MELK: variants seen among roughly 807,000 people sequenced by gnomAD.
MELK encodes maternal embryonic leucine zipper kinase.
A neutral mutation model predicts 85.0 loss-of-function variants in MELK; 81 were observed. The ratio of observed to expected loss-of-function variants is 0.95; its 90% CI spans 0.80 to 1.15. The LOEUF (loss-of-function observed/expected upper bound fraction) is 1.15, where lower values mean the gene tolerates loss of function less well. Among genes scored for constraint, MELK ranks in the 50% most tolerant of loss-of-function variants. MELK has a pLI of 0.00. For synonymous variants in MELK, 252 were observed against 265.0 expected (o/e 0.95, Z 0.48); for missense variants, 754 against 777.5 (o/e 0.97, Z 0.36).
intron 16 of MELK, among the ~76,000 whole-genome samples, chr9:36,674,196 A>G (rs1160257191): frequency 6.6e-6 from 1 of 152,246 alleles, no homozygotes; most frequent in East Asian, 1.9e-4. Context: ...CCTACCACAT[A>G]GTAAACATTC....
At chr9:36,664,234 T>A (rs1268626177) in intron 13 of MELK, among the ~76,000 whole-genome samples, 1 of 152,246 alleles carries the variant, frequency 6.6e-6, no homozygotes, top group African/African-American at 2.4e-5. Context: ...GTTTCACTAT[T>A]TTAAACATGC....
In MELK at chr9:36,677,154, T is replaced by C; in HGVS notation, c.1779-6T>C. The C allele has an allele frequency of 6.2e-7, 1 of 1,607,972 alleles. No homozygotes were observed. The highest frequency in any genetic ancestry group is 8.5e-7 in the Non-Finnish European group (1 of 1,175,972). ...ACTAACTAGCTTCTTATCTTGTTTT[T>C]CACAGTTATACACTGAAGTGTCAAA... On this transcript the variant is annotated splice_polypyrimidine_tract_variant and splice_region_variant and intron_variant, in intron 17 of 17. Transcript: ENST00000298048.
chr9:36,641,816 A>G (rs1246711424), intron 10 of MELK, among the ~76,000 whole-genome samples: 1 of 152,100 alleles, frequency 6.6e-6, no homozygotes, highest in Non-Finnish European at 1.5e-5. Context: ...CATGTTGGTC[A>G]GGCTGGTCTC....
chr9:36,648,084 A>G (rs1830386045), intron 11 of MELK, among the ~76,000 whole-genome samples: 2 of 152,180 alleles, frequency 1.3e-5, no homozygotes, highest in South Asian at 4.1e-4. Flanking sequence ...ATAGCCCCAT[A>G]GTTTTCTCAG....
chr9:36,589,305 C>T (rs538201923), intron 3 of MELK, among the ~76,000 whole-genome samples: 1 of 152,092 alleles, frequency 6.6e-6, no homozygotes, highest in South Asian at 2.1e-4. Context: ...CCTGCCACCA[C>T]GCCCGGCTAA....
rs1176039087 is a variant in MELK, at chr9:36,583,625, A to G, written c.59-2A>G. The G allele has an allele frequency of 6.3e-7, 1 of 1,599,632 alleles. No homozygotes were observed. Among genetic ancestry groups the G allele is most frequent in the East Asian group, 2.2e-5 (1 of 44,762 alleles). On this transcript the variant is annotated splice_acceptor_variant, in intron 2 of 17. Transcript: ENST00000298048. LOFTEE classifies it high-confidence loss of function. ...GCTTTCATAATACATTTTCCTACTT[A>G]GGTGGCTTTGCAAAGGTCAAACTTG...
At chr9:36,607,080 C>T (rs867110846) in intron 7 of MELK, among the ~76,000 whole-genome samples, 2 of 152,130 alleles carry the variant, frequency 1.3e-5, no homozygotes, top group African/African-American at 2.4e-5. Context: ...CCACCAGGCC[C>T]GGCCACCTCT....
chr9:36,663,640 C>G (rs1832067414), intron 13 of MELK, among the ~76,000 whole-genome samples: 1 of 152,186 alleles, frequency 6.6e-6, no homozygotes, highest in African/African-American at 2.4e-5. Context: ...ATTTGTCATT[C>G]TGTGTCTGGC....
chr9:36,628,858 A>AT (rs1828197082), intron 8 of MELK, among the ~76,000 whole-genome samples: 2 of 129,876 alleles, frequency 1.5e-5, no homozygotes, highest in African/African-American at 2.9e-5. Context: ...ATGGTTTTGT[A>AT]TTTTCTTTTT....
At chr9:36,597,470 C>A (rs1206821540) in intron 6 of MELK, among the ~76,000 whole-genome samples, 180 bp downstream of exon 6, 2 of 152,166 alleles carry the variant, frequency 1.3e-5, no homozygotes, top group African/African-American at 4.8e-5. Flanking sequence ...TCATAACATG[C>A]AATCAAGATT....
chr9:36,573,401 A>G (rs1407572944), intron 1 of MELK, among the ~76,000 whole-genome samples: 1 of 152,202 alleles, frequency 6.6e-6, no homozygotes, highest in Non-Finnish European at 1.5e-5. Flanking sequence ...GGGCAGTGCA[A>G]TAAAAAAGGA....
At chr9:36,660,129 A>C (rs1334809371) in intron 13 of MELK, among the ~76,000 whole-genome samples, 1 of 152,074 alleles carries the variant, frequency 6.6e-6, no homozygotes, top group Non-Finnish European at 1.5e-5. Flanking sequence ...GCAAATGCAC[A>C]GCCCTGGGTA....
chr9:36,576,309 A>G (rs933862885), intron 1 of MELK, among the ~76,000 whole-genome samples: 1 of 152,146 alleles, frequency 6.6e-6, no homozygotes, highest in Non-Finnish European at 1.5e-5. Flanking sequence ...TAAATGTTCA[A>G]CCTACTTATT....
At chr9:36,671,860 A>C (rs1425773398) in intron 16 of MELK, among the ~76,000 whole-genome samples, 1 of 152,216 alleles carries the variant, frequency 6.6e-6, no homozygotes, top group Non-Finnish European at 1.5e-5. Flanking sequence ...TAAGAGGTAA[A>C]GGGACGAATG....
intron 13 of MELK, among the ~76,000 whole-genome samples, chr9:36,660,449 C>T (rs140383763): frequency 1.3e-5 from 2 of 152,096 alleles, no homozygotes; most frequent in African/African-American, 2.4e-5. Flanking sequence ...TCCCGAGTAT[C>T]GGGGACTATA....
intron 8 of MELK, 95 bp downstream of exon 8, chr9:36,607,768 G>C: frequency 1.1e-6 from 1 of 894,610 alleles, no homozygotes; most frequent in Non-Finnish European, 1.8e-6. Flanking sequence ...AGGCATAAAA[G>C]TTATTCTCTG....
intron 3 of MELK, among the ~76,000 whole-genome samples, chr9:36,584,321 CTT>C (rs1433344914): frequency 1.1e-4 from 9 of 84,752 alleles, no homozygotes; most frequent in Admixed American, 2.5e-4. Flanking sequence ...CTTTTCTTTA[CTT>C]TTTTTTTTTT....
At chr9:36,636,770 TTCTTTCTTTCTTTCTG>T (rs1564190963) in intron 10 of MELK, among the ~76,000 whole-genome samples, 1 of 111,172 alleles carries the variant, frequency 9.0e-6, no homozygotes, top group Non-Finnish European at 1.8e-5. Context: ...CTTTCTTTCT[TTCTTTCTTTCTTTCTG>T]TCTGTCTTTC....
rs369321459 is a variant in MELK at position 36,669,425 on chromosome 9, T to A, written c.1505+19T>A. The stretch of plus-strand genomic sequence containing the variant: ...AGAGGCGGTAAGTGTTTGGTTTTTT[T>A]AGACTCTAATCTTTAGTATATGTAA... On this transcript the variant is annotated intron_variant, in intron 15 of 17. Transcript: ENST00000298048. The A allele has an allele frequency of 5.9e-6, 9 of 1,529,824 alleles. No homozygotes were observed. The highest frequency in any genetic ancestry group is 1.4e-5 in the African/African-American group (1 of 71,520). The allele number at this position is 1,529,824 out of a possible 1,614,324, so 94.8% of individuals were successfully genotyped here. A position where few individuals can be genotyped will look rare whatever the true frequency, so the allele number is the denominator to read the frequency against.
Sources: gnomAD v4.1 joint callset for allele counts (sites outside exome capture counted in the v4.1 genomes callset) on GRCh38, gnomAD v4.1.1 for gene constraint, MANE v1.5 for transcripts, NCBI Gene and HGNC (gene_info 2026-07-23, HGNC 2026-07-21) for gene names.